Variants in ECPAS observed in about 807,000 individuals in gnomAD.
The protein encoded by ECPAS is Ecm29 proteasome adaptor and scaffold, also known as proteasome adapter and scaffold protein ECM29.
A neutral mutation model predicts 255.1 loss-of-function variants in ECPAS; 70 were observed. The observed-to-expected ratio is 0.27, with a 90% CI of 0.23 to 0.33. The LOEUF (loss-of-function observed/expected upper bound fraction) is 0.33, where lower values mean the gene tolerates loss of function less well. ECPAS is among the 10% of genes least tolerant of loss of function. ECPAS has a pLI of 1.00. For synonymous variants in ECPAS, 784 were observed against 775.0 expected, an observed-to-expected ratio of 1.01 and a Z score of -0.19; for missense variants, 1,817 against 2,206.4, an observed-to-expected ratio of 0.82 and a Z score of 3.54.
Position 111,433,220 on chromosome 9 carries a change from G to A in ECPAS, c.848+13C>T. The A allele has an allele frequency of 6.2e-7, 1 of 1,611,804 alleles. No homozygotes were observed. The highest frequency in any genetic ancestry group is 8.5e-7 in the Non-Finnish European group (1 of 1,178,370). On this transcript the variant is annotated intron_variant, in intron 8 of 49. Coordinates refer to ENST00000684092, the MANE Select transcript of ECPAS (RefSeq NM_001364929.1). Reference sequence around the variant, plus strand: ...GTCCTTTCAATCTTGAAAGTTTACAGGGAAGTAGTTACCTCTGTTTGCTTT... The same window carrying A: ...GTCCTTTCAATCTTGAAAGTTTACAAGGAAGTAGTTACCTCTGTTTGCTTT...
At chr9:111,423,150 TTC>T (rs1418483811) in intron 13 of ECPAS, 47 bp downstream of exon 13, 3 of 1,285,652 alleles carry the variant, frequency 2.3e-6, no homozygotes, top group Admixed American at 2.3e-5. Context: ...CACATAATTT[TTC>T]TCTGTTTACC....
At chr9:111,432,368 C>G (rs2098231277) in intron 8 of ECPAS, among the ~76,000 whole-genome samples, 1 of 152,222 alleles carries the variant, frequency 6.6e-6, no homozygotes, top group Non-Finnish European at 1.5e-5. Flanking sequence ...AATCCCAGCA[C>G]TTTGGGAGGC....
chr9:111,446,842 T>C (rs1362744273), intron 3 of ECPAS, among the ~76,000 whole-genome samples: 1 of 152,192 alleles, frequency 6.6e-6, no homozygotes, highest in Admixed American at 6.5e-5. Flanking sequence ...ATATTTGAAC[T>C]CACATCAGCG....
chr9:111,377,550 T>C (rs556715179), intron 36 of ECPAS, among the ~76,000 whole-genome samples: 1 of 152,308 alleles, frequency 6.6e-6, no homozygotes, highest in Admixed American at 6.5e-5. Flanking sequence ...ATCACCTCAC[T>C]GTAGAACACT....
At chr9:111,369,734 CT>C (rs1554775802) in intron 45 of ECPAS, among the ~76,000 whole-genome samples, 1 of 151,832 alleles carries the variant, frequency 6.6e-6, no homozygotes, top group Non-Finnish European at 1.5e-5. Context: ...AAACCACACC[CT>C]TTTTTTTGGG....
At chr9:111,372,387 T>C in intron 42 of ECPAS, 42 bp downstream of exon 42, 1 of 1,559,430 alleles carries the variant, frequency 6.4e-7, no homozygotes, top group African/African-American at 1.4e-5. Context: ...ATTCTAGCTG[T>C]GATTCCTAAG....
chr9:111,378,446 A>G, intron 36 of ECPAS, 134 bp downstream of exon 36: 1 of 866,400 alleles, frequency 1.2e-6, no homozygotes, highest in Non-Finnish European at 1.7e-6. Context: ...CCAAAAAAAC[A>G]GTAAAACACT....
rs10706788 is a variant in ECPAS at position 111,392,668 on chromosome 9, CA to C, written c.3092+99del. On this transcript the variant is annotated intron_variant, in intron 28 of 49. Coordinates refer to ENST00000684092, the MANE Select transcript of ECPAS (RefSeq NM_001364929.1). The stretch of plus-strand genomic sequence containing the variant: ...GCAACTTAGAAAAGGCTTCATAAAC[CA>C]AAACATGGAAAGCCGAATCTTCCTT... 1.7e-3 allele frequency: 1,335 copies of C among 790,776 alleles called. 13 individuals are homozygous for C. In the African/African-American group the frequency reaches 0.021, roughly 13 times the overall value. 49.0% of individuals were successfully genotyped at this position (790,776 alleles called of 1,614,324 possible).
chr9:111,461,342 G>A (rs1285559651), intron 2 of ECPAS, among the ~76,000 whole-genome samples: 1 of 151,828 alleles, frequency 6.6e-6, no homozygotes. Context: ...GCGTGCACCT[G>A]TAGTCCCTGC....
At chr9:111,478,074 T>C (rs1188340303) in intron 1 of ECPAS, among the ~76,000 whole-genome samples, 1 of 151,710 alleles carries the variant, frequency 6.6e-6, no homozygotes, top group Non-Finnish European at 1.5e-5. Context: ...CTAATTTTTA[T>C]ATTTTTTGTA....
intron 48 of ECPAS, chr9:111,365,998 C>T: frequency 2.0e-6 from 1 of 499,734 alleles, no homozygotes; most frequent in Non-Finnish European, 3.5e-6. Flanking sequence ...AAATTACTTT[C>T]AAGTAACAAT....
chr9:111,392,910 C>G, intron 27 of ECPAS, 28 bp from the exon 28 acceptor site: 1 of 1,531,260 alleles, frequency 6.5e-7, no homozygotes, highest in Non-Finnish European at 8.9e-7. Context: ...AAGATTGTAT[C>G]ACTTTAAAAA....
chr9:111,376,379 A>C (rs990993395), intron 37 of ECPAS, 97 bp downstream of exon 37: 1 of 983,994 alleles, frequency 1.0e-6, no homozygotes, highest in Admixed American at 2.0e-5. Flanking sequence ...GACTCATCCC[A>C]TAAGTCTCTG....
At chr9:111,380,174 T>TA (rs1318809998) in intron 35 of ECPAS, among the ~76,000 whole-genome samples, 1 of 152,248 alleles carries the variant, frequency 6.6e-6, no homozygotes, top group Non-Finnish European at 1.5e-5. Flanking sequence ...CCTTGATCCA[T>TA]GGGCTTCAGA....
intron 7 of ECPAS, among the ~76,000 whole-genome samples, chr9:111,434,166 C>A (rs2098234234): frequency 6.6e-6 from 1 of 152,078 alleles, no homozygotes; most frequent in Admixed American, 6.5e-5. Context: ...AAAAATGCAA[C>A]TTAAAAAAGC....
In ECPAS at chr9:111,389,615, G is replaced by T; in HGVS notation, c.3388C>A (p.Leu1130Ile). Reference protein sequence around the residue: ...RLYRYQFDPNLGIRQAMTSIW... With the variant: ...RLYRYQFDPNIGIRQAMTSIW... ...CTTGTCATGGCCTGTCGAATGCCAA[G>T]GTTGGGATCAAACTGGTAACGATAA... The change falls in exon 31 of 50, where the codon CTT becomes ATT. Residue 1130 changes from leucine to isoleucine, a missense_variant. By Grantham distance (5) the Leu-to-Ile change is conservative. This residue lies in a region of ECPAS where 960 missense variants were observed against 1,179.0 expected (regional missense o/e 0.81). Coordinates refer to ENST00000684092, the MANE Select transcript of ECPAS (RefSeq NM_001364929.1). The T allele has an allele frequency of 6.2e-7, 1 of 1,613,978 alleles. No homozygotes were observed. Among genetic ancestry groups the T allele is most frequent in the Non-Finnish European group, 8.5e-7 (1 of 1,179,864 alleles).
At chr9:111,460,148 G>A (rs1456682593) in intron 2 of ECPAS, among the ~76,000 whole-genome samples, 3 of 152,056 alleles carry the variant, frequency 2.0e-5, no homozygotes, top group South Asian at 2.1e-4. Context: ...TTATTCCAAA[G>A]ATGCAAAGTT....
chr9:111,394,050 G>T, intron 26 of ECPAS, 110 bp downstream of exon 26: 1 of 1,041,964 alleles, frequency 9.6e-7, no homozygotes, highest in Non-Finnish European at 1.4e-6. Flanking sequence ...CATGTACAAT[G>T]TATTTCAAAA....
chr9:111,430,167 T>C (rs961036568), intron 9 of ECPAS, among the ~76,000 whole-genome samples: 8 of 152,244 alleles, frequency 5.3e-5, no homozygotes, highest in African/African-American at 1.9e-4. Context: ...CAAACATCAG[T>C]ATCCACAATG....
Sources: allele counts gnomAD v4.1 joint callset (sites outside exome capture counted in the v4.1 genomes callset), GRCh38; gene constraint gnomAD v4.1.1; regional missense constraint gnomAD v4.1.1; transcripts MANE v1.5; gene names NCBI Gene and HGNC (gene_info 2026-07-23, HGNC 2026-07-21).